The following UNC79 variants were observed in gnomAD, a reference collection of about 807,000 sequenced individuals.
UNC79 encodes the protein unc-79 subunit of NALCN channel complex, also known as protein unc-79 homolog.
In UNC79, 37 loss-of-function variants were observed where a neutral mutation model predicts 283.1. The observed-to-expected ratio is 0.13, with a 90% CI of 0.10 to 0.17. The LOEUF is 0.17. Ranked by LOEUF, UNC79 falls within the 10% of genes least tolerant of loss-of-function variation. The pLI, the probability that UNC79 is intolerant of heterozygous loss-of-function variation, is 1.00. For synonymous variants in UNC79, 1,107 were observed against 1,200.2 expected (o/e 0.92, Z 1.61); for missense variants, 2,272 against 3,211.1 (o/e 0.71, Z 7.07).
intron 5 of UNC79, among the ~76,000 whole-genome samples, chr14:93,493,901 A>ATATATATATATTTTTT (rs1251701550): frequency 2.0e-5 from 1 of 49,252 alleles, no homozygotes; most frequent in African/African-American, 8.9e-5. Flanking sequence ...ATATATATAT[A>ATATATATATATTTTTT]TTTTTTTTTT....
chr14:93,647,481 G>T (rs1267502539), intron 35 of UNC79, among the ~76,000 whole-genome samples: 2 of 152,190 alleles, frequency 1.3e-5, no homozygotes, highest in Non-Finnish European at 2.9e-5. Flanking sequence ...TAAAGTGAGA[G>T]AGTGATCCAT....
At chr14:93,572,902 T>C in intron 16 of UNC79, 86 bp downstream of exon 16, 3 of 1,526,768 alleles carry the variant, frequency 2.0e-6, no homozygotes, top group South Asian at 1.3e-5. Flanking sequence ...GTGGGAGTTA[T>C]AGCAAAGACT....
intron 11 of UNC79, among the ~76,000 whole-genome samples, chr14:93,537,399 C>T (rs1457805149): frequency 5.9e-5 from 9 of 152,196 alleles, no homozygotes; most frequent in Non-Finnish European, 8.8e-5. Context: ...CACAGAGTGC[C>T]GGTGGGCATG....
chr14:93,694,452 G>A lies in UNC79; in HGVS notation c.7548+40G>A, dbSNP rs539295989. The stretch of plus-strand genomic sequence containing the variant: ...TGATTTTTAAAGACCATTTCTTACT[G>A]CTAAAAACAAATGTGGATTTATGTT... On this transcript the variant is annotated intron_variant, in intron 47 of 48. Coordinates refer to ENST00000555664, the Ensembl canonical transcript of UNC79. 22 of 1,545,354 alleles carry A rather than the reference G, an allele frequency of 1.4e-5. No individual in the cohort carries two copies. In the South Asian group the frequency reaches 2.5e-4, roughly 17 times the overall value.
At chr14:93,334,847 G>A (rs1277504439) in intron 1 of UNC79, 1 of 152,164 alleles carries the variant, frequency 6.6e-6, no homozygotes, top group Non-Finnish European at 1.5e-5. Context: ...ATAGTATATG[G>A]GGGATGACTG....
chr14:93,668,311 C>T (rs1206544019), intron 40 of UNC79, among the ~76,000 whole-genome samples: 1 of 152,146 alleles, frequency 6.6e-6, no homozygotes, highest in Non-Finnish European at 1.5e-5. Flanking sequence ...ATGCTGGATA[C>T]AAATGAATAC....
chr14:93,491,235 G>A (rs2058708255), intron 5 of UNC79, among the ~76,000 whole-genome samples: 1 of 152,026 alleles, frequency 6.6e-6, no homozygotes, highest in Non-Finnish European at 1.5e-5. Context: ...GAATTTTGAG[G>A]TGACACAAAC....
At chr14:93,693,810 AG>A (rs2074886848) in intron 46 of UNC79, among the ~76,000 whole-genome samples, 1 of 152,234 alleles carries the variant, frequency 6.6e-6, no homozygotes, top group African/African-American at 2.4e-5. Flanking sequence ...CAGAAAACCA[AG>A]GAAAATAGTC....
chr14:93,559,811 T>C (rs1323755269), intron 14 of UNC79, among the ~76,000 whole-genome samples: 1 of 152,212 alleles, frequency 6.6e-6, no homozygotes, highest in Non-Finnish European at 1.5e-5. Context: ...GGGGATACGA[T>C]GGCTTAGCTT....
At chr14:93,564,967 G>A (rs1332889538) in intron 14 of UNC79, among the ~76,000 whole-genome samples, 10 of 152,180 alleles carry the variant, frequency 6.6e-5, no homozygotes, top group African/African-American at 2.4e-4. Flanking sequence ...TCAGAGGCTT[G>A]ACAGAAATGT....
chr14:93,675,244 T>C (rs1490812651), intron 41 of UNC79, among the ~76,000 whole-genome samples: 3 of 152,190 alleles, frequency 2.0e-5, no homozygotes, highest in Admixed American at 6.5e-5. Flanking sequence ...CCTGATAATG[T>C]GCCAATTACT....
In UNC79 at chr14:93,370,369, C is replaced by CA. The variant is rs375102613; in HGVS notation, c.-351+36854dup. Among the ~76,000 whole-genome samples the CA allele has an allele frequency of 9.9e-5, 15 of 151,384 alleles. No homozygotes were observed. In the East Asian group the frequency reaches 1.2e-3, roughly 12 times the overall value. On this transcript the variant is annotated intron_variant, in intron 1 of 49. Transcript: ENST00000256339. ...AGAGGTGGAAACCTTAAGAAAGAGCCAAAAAAAAGTGCTAGGAATCAAAAA... is the reference window on the plus strand; with the variant it reads ...AGAGGTGGAAACCTTAAGAAAGAGCCAAAAAAAAAGTGCTAGGAATCAAAAA...
At chr14:93,549,335 A>C (rs913089483) in intron 14 of UNC79, among the ~76,000 whole-genome samples, 1 of 152,220 alleles carries the variant, frequency 6.6e-6, no homozygotes, top group African/African-American at 2.4e-5. Flanking sequence ...AATTTTAAAC[A>C]TTGGTAAATA....
intron 24 of UNC79, among the ~76,000 whole-genome samples, chr14:93,598,177 G>C (rs569717713): frequency 6.6e-6 from 1 of 151,896 alleles, no homozygotes; most frequent in East Asian, 1.9e-4. Context: ...TTTTTGTAGA[G>C]ACAGGATCTT....
intron 2 of UNC79, among the ~76,000 whole-genome samples, chr14:93,468,261 G>A (rs2057319743): frequency 6.6e-6 from 1 of 152,050 alleles, no homozygotes; most frequent in Non-Finnish European, 1.5e-5. Context: ...AACATGCTTT[G>A]CCTTGATAAT....
downstream of UNC79, chr14:93,707,053 C>T (rs2075923400): frequency 2.2e-6 from 2 of 916,474 alleles, no homozygotes; most frequent in Non-Finnish European, 3.2e-6. Context: ...CCAGAGAGGG[C>T]CGAAAATGAA....
At chr14:93,676,790 A>G (rs1312300451) in intron 41 of UNC79, among the ~76,000 whole-genome samples, 1 of 152,254 alleles carries the variant, frequency 6.6e-6, no homozygotes, top group Non-Finnish European at 1.5e-5. Flanking sequence ...TGATTATTGC[A>G]TCACAGTTAG....
At chr14:93,500,326 A>G (rs191124612) in intron 7 of UNC79, among the ~76,000 whole-genome samples, 4 of 152,192 alleles carry the variant, frequency 2.6e-5, no homozygotes, top group Non-Finnish European at 5.9e-5. Context: ...TGATATGGTC[A>G]TGCTTCCATT....
intron 1 of UNC79, among the ~76,000 whole-genome samples, chr14:93,343,175 T>C (rs2053749041): frequency 6.6e-6 from 1 of 152,236 alleles, no homozygotes; most frequent in African/African-American, 2.4e-5. Flanking sequence ...CAATTTTCTA[T>C]ATTAGTCTGT....
Sources: gnomAD v4.1 joint callset for allele counts (sites outside exome capture counted in the v4.1 genomes callset) on GRCh38, gnomAD v4.1.1 for gene constraint, MANE v1.5 for transcripts, NCBI Gene and HGNC (gene_info 2026-07-23, HGNC 2026-07-21) for gene names.